Variants in NSD1 observed in about 807,000 individuals in gnomAD.
NSD1 encodes nuclear receptor binding SET domain protein 1, also known as histone-lysine N-methyltransferase, H3 lysine-36 specific.
In NSD1, 26 loss-of-function variants were observed where a neutral mutation model predicts 242.7. The observed-to-expected ratio is 0.11, with a 90% CI of 0.08 to 0.15. The LOEUF is 0.15. Ranked by LOEUF, NSD1 falls within the 10% of genes least tolerant of loss-of-function variation. The pLI, the probability that NSD1 is intolerant of heterozygous loss-of-function variation, is 1.00. For synonymous variants in NSD1, 1,106 were observed against 1,178.1 expected, an observed-to-expected ratio of 0.94 and a Z score of 1.25; for missense variants, 2,495 against 3,272.8, an observed-to-expected ratio of 0.76 and a Z score of 5.80.
intron 17 of NSD1, among the ~76,000 whole-genome samples, chr5:177,279,950 T>G (rs1758724717): frequency 6.7e-6 from 1 of 149,644 alleles, no homozygotes; most frequent in South Asian, 2.1e-4. Context: ...TCAAAAAAAT[T>G]TTTAAAGTTC....
intron 14 of NSD1, chr5:177,265,947 C>T (rs1427004672): frequency 7.2e-6 from 9 of 1,255,256 alleles, no homozygotes; most frequent in South Asian, 3.6e-5. Flanking sequence ...ATGAGGCAGG[C>T]GTTGGTAACC....
At chr5:177,139,830 A>G (rs1414894206) in intron 2 of NSD1, among the ~76,000 whole-genome samples, 4 of 151,778 alleles carry the variant, frequency 2.6e-5, no homozygotes, top group African/African-American at 9.7e-5. Flanking sequence ...AGTCCCAGCT[A>G]CTCAGGAGGC....
chr5:177,178,064 T>C (rs1343832263), intron 2 of NSD1, among the ~76,000 whole-genome samples: 1 of 150,970 alleles, frequency 6.6e-6, no homozygotes, highest in Non-Finnish European at 1.5e-5. Flanking sequence ...CTGGCTAATT[T>C]TTTTGTATTT....
At chr5:177,254,346 C>T (rs1202533933) in intron 12 of NSD1, among the ~76,000 whole-genome samples, 1 of 152,122 alleles carries the variant, frequency 6.6e-6, no homozygotes, top group Non-Finnish European at 1.5e-5. Flanking sequence ...CTGTGATTTG[C>T]TGTCATAGCT....
chr5:177,158,903 A>G (rs1012699646), intron 2 of NSD1, among the ~76,000 whole-genome samples: 2 of 147,400 alleles, frequency 1.4e-5, no homozygotes, highest in Non-Finnish European at 3.0e-5. Context: ...ATACCTTTGG[A>G]AAGTTTTTTA....
intron 5 of NSD1, among the ~76,000 whole-genome samples, chr5:177,228,077 G>A (rs76244048): frequency 0.014 from 2,075 of 151,174 alleles, 17 homozygotes; most frequent in Non-Finnish European, 0.022. Context: ...CTCTTACTCT[G>A]TACAGTAGTC....
intron 17 of NSD1, among the ~76,000 whole-genome samples, chr5:177,279,547 A>C (rs1758672301): frequency 6.6e-6 from 1 of 151,400 alleles, no homozygotes; most frequent in Non-Finnish European, 1.5e-5. Context: ...AGCAAATGTG[A>C]CACCAACATG....
intron 5 of NSD1, among the ~76,000 whole-genome samples, chr5:177,229,586 C>T (rs919036816): frequency 1.3e-5 from 2 of 152,004 alleles, no homozygotes; most frequent in African/African-American, 2.4e-5. Flanking sequence ...TACTTTTTTG[C>T]CTCACTTTGC....
chr5:177,270,490 A>G (rs1314419684), intron 16 of NSD1, among the ~76,000 whole-genome samples: 2 of 152,194 alleles, frequency 1.3e-5, no homozygotes, highest in African/African-American at 4.8e-5. Context: ...TTCTTCCTCT[A>G]GCTGTCCTTT....
Position 177,212,042 on chromosome 5 carries a change from G to C in NSD1, c.3643G>C (p.Glu1215Gln), listed in dbSNP as rs1305416669. The change falls in exon 5 of 23, where the codon GAG (glutamate) becomes CAG (glutamine). Residue 1215 changes from glutamate to glutamine, a missense_variant. Glu to Gln is a conservative substitution (Grantham distance 29). This residue lies in a region of NSD1 where 426 missense variants were observed against 411.4 expected (regional missense o/e 1.04). Transcript: ENST00000439151. The stretch of plus-strand genomic sequence containing the variant: ...TAGAACTCCTTCAGCAAGCATACTT[G>C]AGGAACCACTGACAGAGCAAAATCA... The part of the protein sequence containing the change: ...EHRTPSASIL[E>Q]EPLTEQNHAD... The C allele has an allele frequency of 6.2e-7, 1 of 1,614,094 alleles. No homozygotes were observed. The highest frequency in any genetic ancestry group is 1.1e-5 in the South Asian group (1 of 91,072).
chr5:177,265,499 G>A (rs1757349263), intron 14 of NSD1: 1 of 663,976 alleles, frequency 1.5e-6, no homozygotes, highest in South Asian at 1.8e-5. Context: ...GAGAGAGAGA[G>A]GAAGGGGGAG....
At chr5:177,144,083 A>T (rs1008239230) in intron 2 of NSD1, among the ~76,000 whole-genome samples, 9 of 152,332 alleles carry the variant, frequency 5.9e-5, no homozygotes, top group African/African-American at 2.2e-4. Flanking sequence ...TCTCCTGGCC[A>T]TGATACAAGA....
intron 8 of NSD1, among the ~76,000 whole-genome samples, chr5:177,242,438 C>T (rs1031674477): frequency 6.6e-6 from 1 of 152,028 alleles, no homozygotes; most frequent in Non-Finnish European, 1.5e-5. Flanking sequence ...ATAAAATGAG[C>T]ATTCAGAAAT....
At chr5:177,155,436 G>C (rs1758048813) in intron 2 of NSD1, among the ~76,000 whole-genome samples, 1 of 150,970 alleles carries the variant, frequency 6.6e-6, no homozygotes, top group Admixed American at 6.6e-5. Flanking sequence ...CCTAATTTTT[G>C]TATTTTTAGT....
rs1042271859 is a variant in NSD1 at position 177,134,965 on chromosome 5, C to T, written c.-17-122C>T. On this transcript the variant is annotated intron_variant, in intron 1 of 22. Transcript: ENST00000439151. The surrounding 1 kb of genome is among the most constrained non-coding windows in gnomAD (Gnocchi z 4.2). ...TCATCTCCAGTCGGGGGAACTTTTT[C>T]TGCCCATGGAAGTGCAGCAGAAAGG... 14 of 827,476 alleles carry T rather than the reference C, an allele frequency of 1.7e-5. No individual in the cohort carries two copies. The highest frequency in any genetic ancestry group is 2.5e-5 in the Admixed American group (1 of 40,096). The allele number at this position is 827,476 out of a possible 1,614,324, so 51.3% of individuals were successfully genotyped here.
intron 13 of NSD1, 43 bp from the exon 14 acceptor site, chr5:177,259,946 A>G (rs755829074): frequency 1.9e-6 from 3 of 1,605,360 alleles, no homozygotes; most frequent in South Asian, 2.2e-5. Context: ...TATATTTAAT[A>G]TTTTTGTTTT....
chr5:177,242,693 A>G (rs960625156), intron 8 of NSD1, among the ~76,000 whole-genome samples: 1 of 151,850 alleles, frequency 6.6e-6, no homozygotes, highest in Non-Finnish European at 1.5e-5. Context: ...ATGCCTGGCT[A>G]ATTTTTTGTA....
chr5:177,136,697 A>G (rs11951059), intron 2 of NSD1, among the ~76,000 whole-genome samples: 39,152 of 151,322 alleles, frequency 0.26, 6,355 homozygotes, highest in East Asian at 0.51. Flanking sequence ...GGGTTCAAGC[A>G]ATTCTCCTGC....
chr5:177,189,992 CTG>C (rs914101678), intron 2 of NSD1, among the ~76,000 whole-genome samples: 30 of 152,166 alleles, frequency 2.0e-4, no homozygotes, highest in African/African-American at 7.0e-4. Context: ...AGATCTCACT[CTG>C]TAGCACAGGC....
Sources: allele counts gnomAD v4.1 joint callset (sites outside exome capture counted in the v4.1 genomes callset), GRCh38; gene constraint gnomAD v4.1.1; regional missense constraint gnomAD v4.1.1; non-coding constraint Gnocchi (gnomAD v3.1); transcripts MANE v1.5; gene names NCBI Gene and HGNC (gene_info 2026-07-23, HGNC 2026-07-21).